The following ABI2 variants were observed in gnomAD, a reference collection of about 807,000 sequenced individuals.
ABI2 encodes the protein abelson interactor 2.
ABI2 carries 25 observed loss-of-function variants against 59.2 expected under a neutral mutation model. The observed-to-expected ratio is 0.42, with a 90% confidence interval of 0.31 to 0.59. ABI2 has a LOEUF of 0.59. Among genes scored for constraint, ABI2 ranks in the 20% least tolerant of loss-of-function variants. The probability of loss-of-function intolerance (pLI) is 0.14; values close to 1 mark genes in which losing one functional copy is unlikely to be tolerated. For missense variants in ABI2, 545 were observed against 681.8 expected (o/e 0.80, Z 2.23); for synonymous variants, 213 against 235.5 (o/e 0.90, Z 0.87).
chr2:203,423,678 T>C (rs962521206), intron 11 of ABI2, among the ~76,000 whole-genome samples: 5 of 152,106 alleles, frequency 3.3e-5, no homozygotes, highest in South Asian at 2.1e-4. Context: ...ACCTTGGCCT[T>C]CCAAAGTGCT....
At chr2:203,381,924 T>C (rs1177273754) in intron 3 of ABI2, among the ~76,000 whole-genome samples, 2 of 152,224 alleles carry the variant, frequency 1.3e-5, no homozygotes, top group Non-Finnish European at 2.9e-5. Flanking sequence ...ACTTTCAGTG[T>C]TTAAGGGTCA....
intron 5 of ABI2, chr2:203,394,430 G>T (rs1403423588): frequency 5.3e-6 from 2 of 380,676 alleles, no homozygotes; most frequent in South Asian, 3.9e-5. Context: ...GGCTTAAATG[G>T]TAGAGAACCT....
Position 203,341,449 on chromosome 2 carries a change from T to C in ABI2, c.117+12818T>C, listed in dbSNP as rs536618619. ...TTAGTTTTGGGCCAGGCTCAGTGGC[T>C]CACTCCTATAATCCTAGCACTTTGG... On this transcript the variant is annotated intron_variant, in intron 1 of 11. Coordinates refer to ENST00000261018, the MANE Select transcript of ABI2 (RefSeq NM_001375670.1). 3.9e-5 allele frequency among the ~76,000 whole-genome samples: 6 copies of C among 152,318 alleles called. No homozygotes were observed. The East Asian group carries it at 1.2e-3, about 29-fold the overall frequency.
At chr2:203,376,205 G>T in intron 2 of ABI2, 1 of 1,161,386 alleles carries the variant, frequency 8.6e-7, no homozygotes, top group Non-Finnish European at 1.2e-6. Flanking sequence ...GCCCCCAAGG[G>T]GACATTTGGC....
intron 1 of ABI2, among the ~76,000 whole-genome samples, chr2:203,364,589 C>T (rs769289822): frequency 1.3e-5 from 2 of 152,074 alleles, no homozygotes; most frequent in Admixed American, 6.6e-5. Flanking sequence ...AACTTTTTGA[C>T]GAGCATGCAA....
chr2:203,413,990 ACTGCTGTAAGGCCCTTC>A (rs2097782504), intron 10 of ABI2, among the ~76,000 whole-genome samples: 1 of 152,110 alleles, frequency 6.6e-6, no homozygotes, highest in Admixed American at 6.6e-5. Context: ...TAGAGTCCAA[ACTGCTGTAAGGCCCTTC>A]CTGCCTCATC....
At chr2:203,395,030 GA>G (rs754970100) in intron 6 of ABI2, 184 bp downstream of exon 6, 90 of 765,132 alleles carry the variant, frequency 1.2e-4, no homozygotes, top group Non-Finnish European at 1.9e-4. Context: ...TCAGGAAGTT[GA>G]TAAAGAACAG....
intron 2 of ABI2, among the ~76,000 whole-genome samples, chr2:203,372,140 A>T (rs1476113535): frequency 2.0e-5 from 3 of 151,844 alleles, no homozygotes; most frequent in Non-Finnish European, 4.4e-5. Context: ...CTTAACGAGC[A>T]TGCTGCCTTC....
At chr2:203,394,401 G>A (rs1318385466) in intron 5 of ABI2, 1 of 124,306 alleles carries the variant, frequency 8.0e-6, no homozygotes, top group Non-Finnish European at 1.3e-5. Flanking sequence ...CTAAGAAGAG[G>A]TAGGGTCTGG....
At chr2:203,409,089 C>T (rs1473955833) in intron 9 of ABI2, among the ~76,000 whole-genome samples, 2 of 151,740 alleles carry the variant, frequency 1.3e-5, no homozygotes, top group Non-Finnish European at 2.9e-5. Flanking sequence ...CCACCCGCCT[C>T]GGCCTCCCAA....
At chr2:203,342,553 T>TTTAC (rs1293809443) in intron 1 of ABI2, among the ~76,000 whole-genome samples, 2 of 16,600 alleles carry the variant, frequency 1.2e-4, no homozygotes, top group Admixed American at 1.8e-3. Flanking sequence ...CTCAAAACCT[T>TTTAC]TTATTTATTT....
At position 203,428,543 on chromosome 2, in the gene ABI2, G is replaced by A. The variant is rs2098458707; in HGVS notation, c.*1191G>A. 6.6e-6 allele frequency: 1 copy of A among 152,472 alleles called. No individual in the cohort carries two copies. Among genetic ancestry groups the A allele is most frequent in the African/African-American group, 2.4e-5 (1 of 41,404 alleles). 9.4% of individuals were successfully genotyped at this position (152,472 alleles called of 1,614,324 possible). ...ACCCATCTCAGACTAAGAATATAAT[G>A]AATAAGATTAATAGGCCAAAATATG... On this transcript the variant is annotated 3_prime_UTR_variant, in exon 12 of 12. Transcript: ENST00000261018.
At chr2:203,416,860 G>T in intron 10 of ABI2, 48 bp from the exon 11 acceptor site, 2 of 1,510,688 alleles carry the variant, frequency 1.3e-6, no homozygotes, top group South Asian at 2.7e-5. Context: ...AGGAAATACT[G>T]AACTTTGCAT....
At chr2:203,352,727 C>T (rs1056233846) in intron 1 of ABI2, among the ~76,000 whole-genome samples, 1 of 152,092 alleles carries the variant, frequency 6.6e-6, no homozygotes, top group African/African-American at 2.4e-5. Context: ...ATAAATTTAG[C>T]GTAGCATAAA....
At chr2:203,361,468 A>T (rs1178438722) in intron 1 of ABI2, among the ~76,000 whole-genome samples, 1 of 152,172 alleles carries the variant, frequency 6.6e-6, no homozygotes, top group Non-Finnish European at 1.5e-5. Flanking sequence ...ACCCTGTCTC[A>T]GAAAAGAAAA....
intron 4 of ABI2, chr2:203,386,497 T>C: frequency 2.0e-6 from 1 of 512,332 alleles, no homozygotes; most frequent in Non-Finnish European, 2.5e-6. Context: ...TCTGGAATCC[T>C]GTTCTTTTAA....
At chr2:203,392,891 C>T (rs2096822905) in intron 5 of ABI2, among the ~76,000 whole-genome samples, 1 of 152,042 alleles carries the variant, frequency 6.6e-6, no homozygotes, top group Admixed American at 6.6e-5. Context: ...TGCTGAGGCC[C>T]ACTCTGCTAG....
chr2:203,347,076 TATG>T (rs1167026113), intron 1 of ABI2, among the ~76,000 whole-genome samples: 1 of 152,218 alleles, frequency 6.6e-6, no homozygotes, highest in African/African-American at 2.4e-5. Context: ...GCTATTAAAT[TATG>T]ATGATTGCCC....
intron 10 of ABI2, among the ~76,000 whole-genome samples, chr2:203,412,237 A>C (rs1181443314): frequency 6.6e-6 from 1 of 152,110 alleles, no homozygotes; most frequent in Non-Finnish European, 1.5e-5. Context: ...CCAGTACTAG[A>C]ATGTAAGCTC....
Sources: gnomAD v4.1 joint callset for allele counts (sites outside exome capture counted in the v4.1 genomes callset) on GRCh38, gnomAD v4.1.1 for gene constraint, MANE v1.5 for transcripts, NCBI Gene and HGNC (gene_info 2026-07-23, HGNC 2026-07-21) for gene names.